INPP5A: variants seen among roughly 807,000 people sequenced by gnomAD.
INPP5A encodes 43 kDa inositol polyphosphate 5-phophatase.
In INPP5A, 14 loss-of-function variants were observed where a neutral mutation model predicts 65.2. The ratio of observed to expected loss-of-function variants is 0.21; its 90% CI spans 0.14 to 0.34. The LOEUF (loss-of-function observed/expected upper bound fraction) is 0.34. Ranked by LOEUF, INPP5A falls within the 10% of genes least tolerant of loss-of-function variation. The pLI is 1.00. For synonymous variants in INPP5A, 207 were observed against 208.3 expected, an observed-to-expected ratio of 0.99 and a Z score of 0.05; for missense variants, 431 against 545.6, an observed-to-expected ratio of 0.79 and a Z score of 2.09.
chr10:132,660,201 T>C (rs2072717627), intron 4 of INPP5A, among the ~76,000 whole-genome samples: 1 of 152,210 alleles, frequency 6.6e-6, no homozygotes. Flanking sequence ...GGAAAGATAG[T>C]AGAAAGTAGT....
chr10:132,693,865 A>T (rs1436926723), intron 5 of INPP5A, among the ~76,000 whole-genome samples: 1 of 152,214 alleles, frequency 6.6e-6, no homozygotes, highest in Non-Finnish European at 1.5e-5. Context: ...CTAACAACAG[A>T]GTGTCAAATA....
chr10:132,692,290 G>C (rs1388996085), intron 5 of INPP5A, among the ~76,000 whole-genome samples: 1 of 152,130 alleles, frequency 6.6e-6, no homozygotes, highest in Non-Finnish European at 1.5e-5. Context: ...AAATGGCCAA[G>C]ACCTGTGAAA....
intron 9 of INPP5A, among the ~76,000 whole-genome samples, chr10:132,733,389 C>T (rs988874429): frequency 6.6e-6 from 1 of 152,210 alleles, no homozygotes; most frequent in African/African-American, 2.4e-5. Flanking sequence ...AAAGCCCTAC[C>T]TAAAAATAAA....
chr10:132,686,572 A>G (rs1364904735), intron 4 of INPP5A, among the ~76,000 whole-genome samples: 10 of 152,214 alleles, frequency 6.6e-5, no homozygotes, highest in African/African-American at 2.4e-4. Flanking sequence ...TAAACACCGA[A>G]AAAGTTGGGT....
intron 1 of INPP5A, among the ~76,000 whole-genome samples, chr10:132,554,562 TGTGGTTGGC>T (rs2133259118): frequency 6.6e-6 from 1 of 151,072 alleles, no homozygotes; most frequent in South Asian, 2.1e-4. Context: ...TGTTGTGGGT[TGTGGTTGGC>T]GTGGTTGGTG....
intron 4 of INPP5A, among the ~76,000 whole-genome samples, chr10:132,654,106 C>T (rs919651374): frequency 9.2e-5 from 14 of 152,216 alleles, no homozygotes; most frequent in African/African-American, 2.9e-4. Context: ...GTCACCCTCA[C>T]GATGAGGGTT....
rs111736362 is a variant in INPP5A, at chr10:132,615,927, A to C, written c.117+7971A>C. Among the ~76,000 whole-genome samples the C allele has an allele frequency of 8.2e-3, 1,241 of 152,224 alleles. 15 individuals carry two copies. The highest frequency in any genetic ancestry group is 0.029 in the African/African-American group (1,190 of 41,528). ...TGTGCAGCTGAGCCTCTCAGCTGAGAGGCTGCGACCTTCATGGCCTGGTGG... is the reference window on the plus strand; with the variant it reads ...TGTGCAGCTGAGCCTCTCAGCTGAGCGGCTGCGACCTTCATGGCCTGGTGG... On this transcript the variant is annotated intron_variant, in intron 2 of 15. Transcript: ENST00000368594.
intron 7 of INPP5A, among the ~76,000 whole-genome samples, chr10:132,708,690 C>T (rs1426834942): frequency 6.6e-6 from 1 of 152,234 alleles, no homozygotes; most frequent in Non-Finnish European, 1.5e-5. Context: ...CCCCCTAGTA[C>T]TGGGGCCCTG....
At chr10:132,773,559 G>A (rs1471844098) in intron 12 of INPP5A, among the ~76,000 whole-genome samples, 1 of 152,174 alleles carries the variant, frequency 6.6e-6, no homozygotes, top group Non-Finnish European at 1.5e-5. Flanking sequence ...TAATTATCTA[G>A]CAAAATGAAC....
intron 12 of INPP5A, among the ~76,000 whole-genome samples, chr10:132,771,807 A>C (rs61514185): frequency 0.028 from 2,054 of 73,548 alleles, 161 homozygotes; most frequent in Non-Finnish European, 0.034. Context: ...ACGGAGGCCC[A>C]GGCAGCCGCC....
chr10:132,718,576 T>C (rs898122301), intron 8 of INPP5A, among the ~76,000 whole-genome samples: 5 of 149,312 alleles, frequency 3.3e-5, no homozygotes, highest in African/African-American at 1.2e-4. Flanking sequence ...GGTTCTGTGG[T>C]ACCTGGGTTC....
intron 2 of INPP5A, among the ~76,000 whole-genome samples, chr10:132,623,909 T>A (rs2072140114): frequency 6.6e-6 from 1 of 152,180 alleles, no homozygotes; most frequent in Admixed American, 6.5e-5. Flanking sequence ...GTGCTCAGCT[T>A]CAGTAGTCTT....
chr10:132,761,568 G>A, intron 11 of INPP5A, among the ~76,000 whole-genome samples: 1 of 151,968 alleles, frequency 6.6e-6, no homozygotes. Flanking sequence ...ATGGCTGGTG[G>A]GGGACAGCAC....
chr10:132,769,562 AC>A (rs1846913214), intron 12 of INPP5A, among the ~76,000 whole-genome samples: 2 of 152,190 alleles, frequency 1.3e-5, no homozygotes, highest in Non-Finnish European at 2.9e-5. Flanking sequence ...GCTTAGAGTT[AC>A]TGGGGGATGA....
At position 132,675,018 on chromosome 10, in the gene INPP5A, C is replaced by G. The variant is rs971959010; in HGVS notation, c.307-15374C>G. On this transcript the variant is annotated intron_variant, in intron 4 of 15. Transcript: ENST00000368594. This position sits in a 1 kb window ranked among gnomAD's most constrained non-coding sequence, Gnocchi z 4.2. Reference sequence around the variant, plus strand: ...AGTGTCAGAGCAGCTGGCACAGCAGCCTGGACCTGTTGCAGAGCCTACTCC... The same window carrying G: ...AGTGTCAGAGCAGCTGGCACAGCAGGCTGGACCTGTTGCAGAGCCTACTCC... 2.6e-5 allele frequency among the ~76,000 whole-genome samples: 4 copies of G among 152,214 alleles called. No individual in the cohort carries two copies. The highest frequency in any genetic ancestry group is 5.9e-5 in the Non-Finnish European group (4 of 68,040).
chr10:132,573,586 G>A (rs543355999), intron 1 of INPP5A, among the ~76,000 whole-genome samples: 17 of 138,770 alleles, frequency 1.2e-4, no homozygotes, highest in East Asian at 2.2e-4. Context: ...GTTGGGGTGT[G>A]TGTGCCGTGT....
chr10:132,564,081 T>G (rs2071241404), intron 1 of INPP5A, among the ~76,000 whole-genome samples: 1 of 152,204 alleles, frequency 6.6e-6, no homozygotes, highest in Non-Finnish European at 1.5e-5. Context: ...TAGGACAGTT[T>G]CAGCAGCTGG....
chr10:132,550,144 A>G lies in INPP5A; in HGVS notation c.75+11973A>G, dbSNP rs565775083. Among the ~76,000 whole-genome samples the G allele has an allele frequency of 1.6e-4, 24 of 150,840 alleles. No homozygotes were observed. Among genetic ancestry groups the G allele is most frequent in the East Asian group, 1.2e-3 (6 of 5,082 alleles). On this transcript the variant is annotated intron_variant, in intron 1 of 15. Coordinates refer to ENST00000368594, the MANE Select transcript of INPP5A (RefSeq NM_005539.5). The surrounding 1 kb of genome is among the most constrained non-coding windows in gnomAD (Gnocchi z 4.2). ...TGGGGTCAGGCTCGAGTTACTAACC[A>G]GGCAGTAGAAGATGGGGTCAGTCTT... is the stretch of plus-strand genomic sequence containing the variant.
Position 132,707,243 on chromosome 10 carries a change from G to A in INPP5A, c.475-1070G>A, listed in dbSNP as rs1033699724. 3.9e-5 allele frequency among the ~76,000 whole-genome samples: 6 copies of A among 152,308 alleles called. No homozygotes were observed. The South Asian group carries it at 1.2e-3, about 32-fold the overall frequency. Reference sequence around the variant, plus strand: ...CAGCCCATGAGCACCAAGAACAGCAGCCCCTGTCCACCTCCGCCCCCGATG... The same window carrying A: ...CAGCCCATGAGCACCAAGAACAGCAACCCCTGTCCACCTCCGCCCCCGATG... On this transcript the variant is annotated intron_variant, in intron 6 of 15. Transcript: ENST00000368594. The surrounding 1 kb of genome is among the most constrained non-coding windows in gnomAD (Gnocchi z 5.5).
Sources: allele counts gnomAD v4.1 joint callset (sites outside exome capture counted in the v4.1 genomes callset), GRCh38; gene constraint gnomAD v4.1.1; non-coding constraint Gnocchi (gnomAD v3.1); transcripts MANE v1.5; gene names NCBI Gene and HGNC (gene_info 2026-07-23, HGNC 2026-07-21).